Variants in KLHDC2 observed in about 807,000 individuals in gnomAD.
The protein encoded by KLHDC2 is kelch domain containing 2, also known as kelch domain-containing protein 2.
In KLHDC2, 38 loss-of-function variants were observed where a neutral mutation model predicts 62.3. The ratio of observed to expected loss-of-function variants is 0.61; its 90% CI spans 0.47 to 0.80. KLHDC2 has a LOEUF of 0.80. KLHDC2 is among the 30% of genes least tolerant of loss of function. KLHDC2 has a pLI of 0.00. For synonymous variants in KLHDC2, 159 were observed against 161.0 expected (o/e 0.99, Z 0.09); for missense variants, 430 against 495.3 (o/e 0.87, Z 1.25).
chr14:49,777,122 T>C (rs1244603129), intron 3 of KLHDC2, among the ~76,000 whole-genome samples: 1 of 152,214 alleles, frequency 6.6e-6, no homozygotes, highest in East Asian at 1.9e-4. Flanking sequence ...CTGGAGACCA[T>C]TATTCTAAGT....
In KLHDC2 at chr14:49,774,551, T is replaced by TCC; in HGVS notation, c.234-6_234-5dup. The TCC allele has an allele frequency of 6.5e-7, 1 of 1,549,900 alleles. No individual in the cohort carries two copies. The highest frequency in any genetic ancestry group is 8.9e-7 in the Non-Finnish European group (1 of 1,121,816). On this transcript the variant is annotated splice_polypyrimidine_tract_variant and intron_variant, in intron 2 of 12. Coordinates refer to ENST00000298307, the MANE Select transcript of KLHDC2 (RefSeq NM_014315.3). ...TTTAACTTACATACATTTAATTTAT[T>TCC]CCCCCTCAGGAAAAAAATCAACACT...
chr14:49,785,278 C>A lies in KLHDC2; in HGVS notation c.*2325C>A. The A allele has an allele frequency of 6.2e-7, 1 of 1,613,994 alleles. No homozygotes were observed. The highest frequency in any genetic ancestry group is 8.5e-7 in the Non-Finnish European group (1 of 1,179,916). On this transcript the variant is annotated 3_prime_UTR_variant, in exon 13 of 13. Transcript: ENST00000298307. The stretch of plus-strand genomic sequence containing the variant: ...ATTGGAATGGCAAACAGTAGTACAT[C>A]TTCAGGATGTGGCTGGCCTGTCAAA...
chr14:49,777,259 A>C (rs1889791981), intron 3 of KLHDC2, among the ~76,000 whole-genome samples: 1 of 152,150 alleles, frequency 6.6e-6, no homozygotes, highest in South Asian at 2.1e-4. Context: ...AAAGGGTGAT[A>C]GATGGGTGAG....
At chr14:49,776,023 T>C (rs965690575) in intron 3 of KLHDC2, among the ~76,000 whole-genome samples, 1 of 152,178 alleles carries the variant, frequency 6.6e-6, no homozygotes, top group Admixed American at 6.5e-5. Flanking sequence ...TTGAGATGCC[T>C]TGGGACACCT....
chr14:49,784,755 G>A lies in KLHDC2; in HGVS notation c.*1802G>A. 1 of 1,523,596 alleles carries A rather than the reference G, an allele frequency of 6.6e-7. No individual in the cohort carries two copies. Among genetic ancestry groups the A allele is most frequent in the Non-Finnish European group, 9.0e-7 (1 of 1,106,674 alleles). 94.4% of individuals were successfully genotyped at this position (1,523,596 alleles called of 1,614,324 possible). A position where few individuals can be genotyped will look rare whatever the true frequency, so the allele number is the denominator to read the frequency against. On this transcript the variant is annotated 3_prime_UTR_variant, in exon 13 of 13. Coordinates refer to ENST00000298307, the MANE Select transcript of KLHDC2 (RefSeq NM_014315.3). ...GCTGAATATCTTCACATCCTGTATG[G>A]TCAATCATGTTTCTTTTATGACAAA...
Position 49,780,795 on chromosome 14 carries a change from A to G in KLHDC2, c.956+20A>G. 8.3e-7 allele frequency: 1 copy of G among 1,210,396 alleles called. No homozygotes were observed. Among genetic ancestry groups the G allele is most frequent in the Non-Finnish European group, 1.2e-6 (1 of 811,612 alleles). 75.0% of individuals were successfully genotyped at this position (1,210,396 alleles called of 1,614,324 possible). On this transcript the variant is annotated intron_variant, in intron 10 of 12. Transcript: ENST00000298307. Reference sequence around the variant, plus strand: ...ACCAAGGTATTTAAAAGCAATTCATATACTGAATATGCATAAGACATAAGA... The same window carrying G: ...ACCAAGGTATTTAAAAGCAATTCATGTACTGAATATGCATAAGACATAAGA...
At chr14:49,781,906 TA>T (rs1889920913) in intron 10 of KLHDC2, among the ~76,000 whole-genome samples, 1 of 152,218 alleles carries the variant, frequency 6.6e-6, no homozygotes, top group African/African-American at 2.4e-5. Context: ...CCCAAGTATC[TA>T]AACCAAGTAT....
At chr14:49,778,614 T>C in intron 6 of KLHDC2, 120 bp downstream of exon 6, 2 of 592,594 alleles carry the variant, frequency 3.4e-6, no homozygotes. Flanking sequence ...TTCATTCTTG[T>C]TTTCTGGGGA....
intron 1 of KLHDC2, among the ~76,000 whole-genome samples, chr14:49,771,285 A>G (rs1437989770): frequency 2.6e-5 from 4 of 151,822 alleles, no homozygotes; most frequent in Admixed American, 2.0e-4. Flanking sequence ...GGAGGTGGAC[A>G]TTGCAGTGAG....
At chr14:49,769,426 T>C (rs1389569364) in intron 1 of KLHDC2, among the ~76,000 whole-genome samples, 1 of 152,176 alleles carries the variant, frequency 6.6e-6, no homozygotes, top group Non-Finnish European at 1.5e-5. Context: ...GTCTTGAAAA[T>C]GTTCTCCGCC....
At position 49,778,448 on chromosome 14, in the gene KLHDC2, A is replaced by T; in HGVS notation, c.587A>T (p.His196Leu). Residue 196 changes from histidine (H) to leucine (L), a missense_variant, in exon 6 of 13, where the codon CAT becomes CTT. By Grantham distance (99) the His-to-Leu change is moderately conservative. Transcript: ENST00000298307. Reference sequence around the variant, plus strand: ...CCAAGAGGATGGAATGATCATGTACATATTTTAGATACTGAAACATTTACC... The same window carrying T: ...CCAAGAGGATGGAATGATCATGTACTTATTTTAGATACTGAAACATTTACC... ...SHPRGWNDHV[H>L]ILDTETFTWS... 1 of 1,589,422 alleles carries T rather than the reference A, an allele frequency of 6.3e-7. No homozygotes were observed. The highest frequency in any genetic ancestry group is 1.1e-5 in the South Asian group (1 of 90,192).
In KLHDC2 at chr14:49,784,809, G is replaced by A; in HGVS notation, c.*1856G>A. Reference sequence around the variant, plus strand: ...GAAAAACATTTCCAAACTTTTAGCTGAGATGGTTTTACTGCTTCTAATAAG... The same window carrying A: ...GAAAAACATTTCCAAACTTTTAGCTAAGATGGTTTTACTGCTTCTAATAAG... On this transcript the variant is annotated 3_prime_UTR_variant, in exon 13 of 13. Transcript: ENST00000298307. 7.1e-7 allele frequency: 1 copy of A among 1,410,496 alleles called. No individual in the cohort carries two copies. The highest frequency in any genetic ancestry group is 1.2e-5 in the South Asian group (1 of 82,750). 87.4% of individuals were successfully genotyped at this position (1,410,496 alleles called of 1,614,324 possible).
chr14:49,774,278 CAT>C (rs2139793004), intron 2 of KLHDC2, among the ~76,000 whole-genome samples: 1 of 152,272 alleles, frequency 6.6e-6, no homozygotes, highest in South Asian at 2.1e-4. Context: ...GTCTGAGAAA[CAT>C]AAAATGGTAT....
chr14:49,769,598 A>G (rs893048451), intron 1 of KLHDC2, among the ~76,000 whole-genome samples: 10 of 152,158 alleles, frequency 6.6e-5, no homozygotes, highest in African/African-American at 2.2e-4. Context: ...GCCAATCCTA[A>G]TGAATCTGCA....
At chr14:49,775,280 C>G (rs1889746928) in intron 3 of KLHDC2, among the ~76,000 whole-genome samples, 1 of 152,168 alleles carries the variant, frequency 6.6e-6, no homozygotes, top group Non-Finnish European at 1.5e-5. Context: ...CCATAGGAGT[C>G]TATTAAGTTG....
intron 1 of KLHDC2, among the ~76,000 whole-genome samples, chr14:49,770,029 C>G (rs1259343117): frequency 6.6e-6 from 1 of 152,118 alleles, no homozygotes; most frequent in Non-Finnish European, 1.5e-5. Context: ...TAAATTAATT[C>G]CCCTGGAGAA....
intron 1 of KLHDC2, 25 bp from the exon 2 acceptor site, chr14:49,771,559 CCAGTTTTTAT>C: frequency 3.3e-6 from 3 of 905,696 alleles, no homozygotes; most frequent in Non-Finnish European, 5.4e-6. Flanking sequence ...CTTTAAAATA[CCAGTTTTTAT>C]ATTTACAATT....
At position 49,782,955 on chromosome 14, in the gene KLHDC2, G is replaced by A; in HGVS notation, c.*2G>A. 2.5e-6 allele frequency: 4 copies of A among 1,610,856 alleles called. No homozygotes were observed. Among genetic ancestry groups the A allele is most frequent in the Non-Finnish European group, 2.5e-6 (3 of 1,178,826 alleles). On this transcript the variant is annotated 3_prime_UTR_variant, in exon 13 of 13. Coordinates refer to ENST00000298307, the MANE Select transcript of KLHDC2 (RefSeq NM_014315.3). ...AGTAACAACACTTCTGGATCTTAAGGCTTCATAAATAATGCCTATGATCAC... is the reference window on the plus strand; with the variant it reads ...AGTAACAACACTTCTGGATCTTAAGACTTCATAAATAATGCCTATGATCAC...
At chr14:49,778,599 G>A in intron 6 of KLHDC2, 105 bp downstream of exon 6, 2 of 607,566 alleles carry the variant, frequency 3.3e-6, no homozygotes, top group Non-Finnish European at 5.8e-6. Context: ...CTGTGAAAGT[G>A]ACAGTTCATT....
Sources: gnomAD v4.1 joint callset for allele counts (sites outside exome capture counted in the v4.1 genomes callset) on GRCh38, gnomAD v4.1.1 for gene constraint, MANE v1.5 for transcripts, NCBI Gene and HGNC (gene_info 2026-07-23, HGNC 2026-07-21) for gene names.